ABCB5: variants seen among roughly 807,000 people sequenced by gnomAD.
The protein encoded by ABCB5 is ATP binding cassette subfamily B member 5.
ABCB5 carries 155 observed loss-of-function variants against 144.2 expected under a neutral mutation model. That is an observed-to-expected ratio of 1.08 (90% CI 0.94 to 1.23). The LOEUF is 1.23. Ranked by LOEUF, ABCB5 falls within the 50% of genes most tolerant of loss-of-function variation. ABCB5 has a pLI of 0.00. For synonymous variants in ABCB5, 610 were observed against 528.6 expected (o/e 1.15, Z -2.11); for missense variants, 1,830 against 1,520.8 (o/e 1.20, Z -3.38).
Position 20,681,796 on chromosome 7 carries a change from G to T in ABCB5, c.1869+130G>T, listed in dbSNP as rs2128039158. On this transcript the variant is annotated intron_variant, in intron 15 of 27. Coordinates refer to ENST00000404938, the MANE Select transcript of ABCB5 (RefSeq NM_001163941.2). ...AGCAACCAAGGTTTATAGTTCCTCA[G>T]TAAAGAAATGGAGTGTTTCAAATCC... 4.0e-6 allele frequency: 4 copies of T among 1,009,894 alleles called. No homozygotes were observed. In the East Asian group the frequency reaches 1.0e-4, roughly 26 times the overall value. The allele number at this position is 1,009,894 out of a possible 1,614,324, so 62.6% of individuals were successfully genotyped here. A position where few individuals can be genotyped will look rare whatever the true frequency, so the allele number is the denominator to read the frequency against.
intron 16 of ABCB5, among the ~76,000 whole-genome samples, chr7:20,691,948 A>G (rs1338633410): frequency 6.6e-6 from 1 of 152,128 alleles, no homozygotes; most frequent in Non-Finnish European, 1.5e-5. Flanking sequence ...ATGAAGAGAA[A>G]AATCAGTCAA....
chr7:20,731,190 T>C (rs185674647), intron 23 of ABCB5, among the ~76,000 whole-genome samples: 1,788 of 151,230 alleles, frequency 0.012, 37 homozygotes, highest in African/African-American at 0.041. Flanking sequence ...CCGTCTCTAC[T>C]AAAAAATACA....
Position 20,643,639 on chromosome 7 carries a change from G to C in ABCB5, c.678+7G>C, listed in dbSNP as rs779660736. The C allele has an allele frequency of 5.6e-6, 9 of 1,613,586 alleles. No individual in the cohort carries two copies. In the South Asian group the frequency reaches 9.9e-5, roughly 18 times the overall value. ...AGCGGCAGCATGTTCTAGGGTAAGTGAGATGGCTAATGCAATATTGAATGG... is the reference window on the plus strand; with the variant it reads ...AGCGGCAGCATGTTCTAGGGTAAGTCAGATGGCTAATGCAATATTGAATGG... On this transcript the variant is annotated splice_region_variant and intron_variant, in intron 7 of 27. Coordinates refer to ENST00000404938, the MANE Select transcript of ABCB5 (RefSeq NM_001163941.2).
chr7:20,698,608 G>C, intron 17 of ABCB5, 58 bp downstream of exon 17: 1 of 1,493,540 alleles, frequency 6.7e-7, no homozygotes, highest in Non-Finnish European at 9.0e-7. Flanking sequence ...TGACCTGAGA[G>C]AACAAGCTTG....
At chr7:20,713,985 A>G (rs1781585741) in intron 20 of ABCB5, among the ~76,000 whole-genome samples, 1 of 152,182 alleles carries the variant, frequency 6.6e-6, no homozygotes, top group African/African-American at 2.4e-5. Flanking sequence ...GGCTCTTTGC[A>G]CTGCCACCTG....
intron 1 of ABCB5, among the ~76,000 whole-genome samples, chr7:20,618,129 A>T (rs1783727254): frequency 6.6e-6 from 1 of 152,204 alleles, no homozygotes; most frequent in African/African-American, 2.4e-5. Context: ...AGAGTTGAGC[A>T]GCCATCACCA....
chr7:20,732,072 C>A (rs1296925893), intron 23 of ABCB5, among the ~76,000 whole-genome samples: 1 of 152,236 alleles, frequency 6.6e-6, no homozygotes, highest in Non-Finnish European at 1.5e-5. Context: ...CATGATGGGG[C>A]TGCTGCGTTG....
At chr7:20,676,160 C>CACA (rs1562556452) in intron 14 of ABCB5, among the ~76,000 whole-genome samples, 1 of 111,008 alleles carries the variant, frequency 9.0e-6, no homozygotes, top group Non-Finnish European at 1.9e-5. Context: ...AGCAATTCTA[C>CACA]TACACATACA....
At chr7:20,663,828 G>C (rs1334370918) in intron 14 of ABCB5, among the ~76,000 whole-genome samples, 2 of 147,850 alleles carry the variant, frequency 1.4e-5, no homozygotes, top group Non-Finnish European at 3.0e-5. Context: ...CGATTCTCCT[G>C]CCTCACCCTC....
intron 26 of ABCB5, among the ~76,000 whole-genome samples, chr7:20,750,554 A>G (rs1214883410): frequency 2.6e-5 from 4 of 152,202 alleles, no homozygotes; most frequent in Admixed American, 1.3e-4. Context: ...ACATCTGCAC[A>G]AAATTCATGT....
At chr7:20,706,728 A>G (rs1786836490) in intron 20 of ABCB5, among the ~76,000 whole-genome samples, 1 of 152,210 alleles carries the variant, frequency 6.6e-6, no homozygotes, top group Non-Finnish European at 1.5e-5. Flanking sequence ...AAACTGTCCC[A>G]GGTTGCAAAT....
rs1782994321 is a variant in ABCB5, at chr7:20,753,474, G to A, written c.3544G>A (p.Ala1182Thr). The A allele has an allele frequency of 6.2e-7, 1 of 1,613,830 alleles. No individual in the cohort carries two copies. Among genetic ancestry groups the A allele is most frequent in the Admixed American group, 1.7e-5 (1 of 59,998 alleles). Residue 1182 changes from alanine (A) to threonine (T), a missense_variant, in exon 27 of 28, where the codon GCC becomes ACC. Coordinates refer to ENST00000404938, the MANE Select transcript of ABCB5 (RefSeq NM_001163941.2). ...QKPKILLLDEATSALDNDSEK... is the reference protein window; with the variant it reads ...QKPKILLLDETTSALDNDSEK... ...ACCCAAAATTTTATTGTTGGATGAG[G>A]CCACTTCAGCCCTCGATAATGACAG...
chr7:20,632,163 T>A, intron 5 of ABCB5, 50 bp downstream of exon 5: 2 of 1,295,342 alleles, frequency 1.5e-6, no homozygotes, highest in East Asian at 2.6e-5. Context: ...GATGCTTTAT[T>A]TAAAGCTTAC....
intron 5 of ABCB5, chr7:20,641,409 C>G (rs1266781843): frequency 6.6e-6 from 1 of 151,964 alleles, no homozygotes; most frequent in African/African-American, 2.4e-5. Flanking sequence ...ACCTGTAGTC[C>G]CAGCGTTATG....
At chr7:20,616,964 C>G (rs898662014) in intron 1 of ABCB5, among the ~76,000 whole-genome samples, 1 of 152,166 alleles carries the variant, frequency 6.6e-6, no homozygotes, top group African/African-American at 2.4e-5. Flanking sequence ...ATATAGCAAC[C>G]TCCTTTTATA....
At chr7:20,629,977 T>C (rs1784001979) in intron 4 of ABCB5, among the ~76,000 whole-genome samples, 1 of 152,098 alleles carries the variant, frequency 6.6e-6, no homozygotes, top group South Asian at 2.1e-4. Flanking sequence ...AACTAGCAAT[T>C]AGGTGTGGAA....
At chr7:20,737,607 T>C (rs1327673147) in intron 23 of ABCB5, among the ~76,000 whole-genome samples, 2 of 152,220 alleles carry the variant, frequency 1.3e-5, no homozygotes, top group Non-Finnish European at 2.9e-5. Context: ...GTTATTGATT[T>C]CAGAGAAGCC....
At chr7:20,648,116 G>A in intron 11 of ABCB5, 38 bp downstream of exon 11, 1 of 1,233,400 alleles carries the variant, frequency 8.1e-7, no homozygotes, top group Non-Finnish European at 1.2e-6. Context: ...GCAGTTTTCT[G>A]ATATTATCTT....
At chr7:20,667,327 C>T (rs1160978887) in intron 14 of ABCB5, 2 of 984,528 alleles carry the variant, frequency 2.0e-6, no homozygotes, top group Admixed American at 6.1e-5. Flanking sequence ...ATTAAAACAC[C>T]TGTGAAGTGA....
Sources: gnomAD v4.1 joint callset for allele counts (sites outside exome capture counted in the v4.1 genomes callset) on GRCh38, gnomAD v4.1.1 for gene constraint, MANE v1.5 for transcripts, NCBI Gene and HGNC (gene_info 2026-07-23, HGNC 2026-07-21) for gene names.